The following THSD7B variants were observed in gnomAD, a reference collection of about 807,000 sequenced individuals.
The protein encoded by THSD7B is thrombospondin type-1 domain-containing protein 7B.
Under a neutral mutation model 213.6 loss-of-function variants are expected in THSD7B, and 138 were observed. That is an observed-to-expected ratio of 0.65 (90% CI 0.56 to 0.74). The LOEUF is 0.74. Among genes scored for constraint, THSD7B ranks in the 30% least tolerant of loss-of-function variants. The pLI is 0.00. For synonymous variants in THSD7B, 742 were observed against 687.0 expected, an observed-to-expected ratio of 1.08 and a Z score of -1.25; for missense variants, 1,931 against 1,991.5, an observed-to-expected ratio of 0.97 and a Z score of 0.58.
intron 2 of THSD7B, among the ~76,000 whole-genome samples, chr2:136,944,018 T>C (rs575897562): frequency 6.6e-6 from 1 of 152,376 alleles, no homozygotes; most frequent in Non-Finnish European, 1.5e-5. Flanking sequence ...TGTGGGCATC[T>C]AGTGCTATAC....
At chr2:137,071,873 C>T (rs1468983048) in intron 3 of THSD7B, among the ~76,000 whole-genome samples, 1 of 152,150 alleles carries the variant, frequency 6.6e-6, no homozygotes, top group Non-Finnish European at 1.5e-5. Flanking sequence ...GAATCCTTTC[C>T]CCATTTCTTG....
At chr2:137,295,651 T>C (rs1274099713) in intron 12 of THSD7B, among the ~76,000 whole-genome samples, 1 of 151,980 alleles carries the variant, frequency 6.6e-6, no homozygotes, top group Non-Finnish European at 1.5e-5. Flanking sequence ...AACTTTTGTA[T>C]TTTTAGTAGA....
chr2:137,106,171 T>C (rs1201412545), intron 4 of THSD7B, among the ~76,000 whole-genome samples: 1 of 151,994 alleles, frequency 6.6e-6, no homozygotes, highest in East Asian at 1.9e-4. Flanking sequence ...GTAACCAAAA[T>C]AGCATGTTAC....
At chr2:137,298,196 T>G (rs1174476925) in intron 12 of THSD7B, among the ~76,000 whole-genome samples, 1 of 152,054 alleles carries the variant, frequency 6.6e-6, no homozygotes, top group Non-Finnish European at 1.5e-5. Context: ...GGAGCAAAGG[T>G]GACCCTTGTT....
At chr2:137,402,771 A>C (rs1057088499) in intron 12 of THSD7B, among the ~76,000 whole-genome samples, 4 of 149,630 alleles carry the variant, frequency 2.7e-5, no homozygotes, top group African/African-American at 9.9e-5. Flanking sequence ...AGCTGAGATC[A>C]CATCACTGCA....
intron 9 of THSD7B, 53 bp downstream of exon 9, chr2:137,233,186 T>A: frequency 1.3e-6 from 2 of 1,503,662 alleles, no homozygotes; most frequent in Non-Finnish European, 1.8e-6. Flanking sequence ...TGTTGAGTAT[T>A]TTTAGTTGAA....
chr2:137,108,267 C>T (rs1249886135), intron 4 of THSD7B, among the ~76,000 whole-genome samples: 1 of 152,162 alleles, frequency 6.6e-6, no homozygotes, highest in African/African-American at 2.4e-5. Flanking sequence ...TAAGCAATTC[C>T]AAGCCTTTAT....
chr2:137,337,668 T>G (rs946049543), intron 12 of THSD7B, among the ~76,000 whole-genome samples: 2 of 152,150 alleles, frequency 1.3e-5, no homozygotes, highest in African/African-American at 4.8e-5. Context: ...ACAAAATTTA[T>G]AAATGTGGTG....
At chr2:137,506,341 G>A (rs1013325955) in intron 15 of THSD7B, among the ~76,000 whole-genome samples, 2 of 152,182 alleles carry the variant, frequency 1.3e-5, no homozygotes, top group Admixed American at 6.5e-5. Flanking sequence ...TTCTTTAGAT[G>A]TTGGATATGT....
chr2:136,784,632 C>T (rs561116252), intron 1 of THSD7B, among the ~76,000 whole-genome samples: 16 of 152,172 alleles, frequency 1.1e-4, no homozygotes, highest in Admixed American at 6.5e-4. Flanking sequence ...AACCTTGAAT[C>T]GTTTTCTATC....
intron 7 of THSD7B, among the ~76,000 whole-genome samples, chr2:137,223,538 C>G (rs1033763572): frequency 1.3e-5 from 2 of 152,156 alleles, no homozygotes; most frequent in African/African-American, 4.8e-5. Flanking sequence ...TGTTCTCACC[C>G]ACCCTGACTA....
chr2:137,636,346 T>A (rs1369570600), intron 20 of THSD7B, among the ~76,000 whole-genome samples: 1 of 152,194 alleles, frequency 6.6e-6, no homozygotes, highest in African/African-American at 2.4e-5. Flanking sequence ...GGAAAACTGA[T>A]GATAATTGAC....
rs143131411 is a variant in THSD7B, at chr2:137,457,517, C to T, written c.3138+6494C>T. 2.4e-4 allele frequency among the ~76,000 whole-genome samples: 36 copies of T among 152,228 alleles called. 1 individual carries two copies. The East Asian group carries it at 6.6e-3, about 28-fold the overall frequency. The stretch of plus-strand genomic sequence containing the variant: ...CTGTCCTCCCACATCTCATATTATC[C>T]CTAATCCCTTAACTCCTAAAGCCCT... On this transcript the variant is annotated intron_variant, in intron 15 of 27. Transcript: ENST00000409968.
At chr2:137,282,201 T>C (rs1453863421) in intron 12 of THSD7B, among the ~76,000 whole-genome samples, 4 of 151,472 alleles carry the variant, frequency 2.6e-5, no homozygotes, top group Non-Finnish European at 1.5e-5. Context: ...ATAAATGTCT[T>C]CTTTTGAGAA....
At chr2:136,776,752 A>G (rs1681612997) in intron 1 of THSD7B, among the ~76,000 whole-genome samples, 1 of 152,160 alleles carries the variant, frequency 6.6e-6, no homozygotes, top group African/African-American at 2.4e-5. Context: ...GTATGAAATA[A>G]TTTATGCTGT....
At chr2:137,238,929 A>G (rs1392909450) in intron 9 of THSD7B, among the ~76,000 whole-genome samples, 1 of 150,192 alleles carries the variant, frequency 6.7e-6, no homozygotes, top group Admixed American at 6.6e-5. Flanking sequence ...GTATATATGT[A>G]TTAAAGATAG....
intron 7 of THSD7B, among the ~76,000 whole-genome samples, chr2:137,229,352 T>G (rs997318552): frequency 9.4e-5 from 14 of 149,210 alleles, no homozygotes; most frequent in Admixed American, 4.7e-4. Flanking sequence ...CTGTATTGGG[T>G]GTGTGTGTGT....
chr2:136,864,280 G>A (rs1287153153), intron 1 of THSD7B, among the ~76,000 whole-genome samples: 1 of 152,062 alleles, frequency 6.6e-6, no homozygotes, highest in Non-Finnish European at 1.5e-5. Flanking sequence ...CACACAGTGT[G>A]TTCTCTGGAT....
intron 27 of THSD7B, 88 bp downstream of exon 27, chr2:137,667,949 A>C: frequency 9.5e-7 from 1 of 1,056,928 alleles, no homozygotes; most frequent in Non-Finnish European, 1.3e-6. Flanking sequence ...ATCATTGCCC[A>C]TTATAACAGG....
Sources: gnomAD v4.1 joint callset for allele counts (sites outside exome capture counted in the v4.1 genomes callset) on GRCh38, gnomAD v4.1.1 for gene constraint, MANE v1.5 for transcripts, NCBI Gene and HGNC (gene_info 2026-07-23, HGNC 2026-07-21) for gene names.